Variants in SBF2 observed in about 807,000 individuals in gnomAD.
SBF2 encodes the protein SET binding factor 2.
Under a neutral mutation model 225.2 loss-of-function variants are expected in SBF2, and 112 were observed. The ratio of observed to expected loss-of-function variants is 0.50; its 90% CI spans 0.43 to 0.58. SBF2 has a LOEUF of 0.58. Among genes scored for constraint, SBF2 ranks in the 20% least tolerant of loss-of-function variants. SBF2 has a pLI of 0.00. For missense variants in SBF2, 1,996 were observed against 2,206.2 expected, an observed-to-expected ratio of 0.90 and a Z score of 1.91; for synonymous variants, 763 against 773.3, an observed-to-expected ratio of 0.99 and a Z score of 0.22.
chr11:10,109,990 C>G (rs1199067450), intron 2 of SBF2, among the ~76,000 whole-genome samples: 1 of 152,188 alleles, frequency 6.6e-6, no homozygotes, highest in Non-Finnish European at 1.5e-5. Flanking sequence ...AAATTCCACA[C>G]AAGATTCTGC....
chr11:9,899,941 C>A (rs1861586613), intron 16 of SBF2, among the ~76,000 whole-genome samples: 1 of 151,404 alleles, frequency 6.6e-6, no homozygotes, highest in Non-Finnish European at 1.5e-5. Flanking sequence ...TCTGCTAATA[C>A]TAGCTCTGTA....
At chr11:10,281,516 C>T (rs1963406484) in intron 1 of SBF2, among the ~76,000 whole-genome samples, 1 of 152,196 alleles carries the variant, frequency 6.6e-6, no homozygotes, top group African/African-American at 2.4e-5. Context: ...TTATTCAAAA[C>T]CATCAAGGAG....
At chr11:9,846,812 C>A in intron 23 of SBF2, 144 bp downstream of exon 23, 1 of 905,776 alleles carries the variant, frequency 1.1e-6, no homozygotes, top group Non-Finnish European at 1.8e-6. Context: ...GTTTACTCAG[C>A]TGATGACTAC....
At chr11:9,910,311 G>T (rs1051600116) in intron 16 of SBF2, among the ~76,000 whole-genome samples, 1 of 152,076 alleles carries the variant, frequency 6.6e-6, no homozygotes, top group Non-Finnish European at 1.5e-5. Context: ...GGCTGATGTT[G>T]GTGTAAACAA....
Position 9,802,899 on chromosome 11 carries a change from G to A in SBF2, c.4443+5101C>T, listed in dbSNP as rs538726347. ...GCTGATACCTCTGGTAGCCAAGCATGCTTTACTTACTGCAATTAAGGTCAT... is the reference window on the plus strand; with the variant it reads ...GCTGATACCTCTGGTAGCCAAGCATACTTTACTTACTGCAATTAAGGTCAT... On this transcript the variant is annotated intron_variant, in intron 32 of 39. Transcript: ENST00000256190. 1.1e-4 allele frequency among the ~76,000 whole-genome samples: 17 copies of A among 152,270 alleles called. No individual in the cohort carries two copies. The South Asian group carries it at 3.5e-3, about 32-fold the overall frequency.
chr11:10,074,710 G>A (rs936043722), intron 2 of SBF2, among the ~76,000 whole-genome samples: 8 of 152,138 alleles, frequency 5.3e-5, no homozygotes, highest in African/African-American at 1.9e-4. Flanking sequence ...AATTGAAAAT[G>A]TGTACATTAG....
intron 2 of SBF2, among the ~76,000 whole-genome samples, chr11:10,076,438 A>G (rs1019869303): frequency 5.3e-5 from 8 of 152,076 alleles, no homozygotes; most frequent in South Asian, 4.1e-4. Context: ...AGGAGCCCCT[A>G]TGGCCAGAAC....
At chr11:9,940,697 C>T (rs1212376953) in intron 16 of SBF2, among the ~76,000 whole-genome samples, 1 of 152,032 alleles carries the variant, frequency 6.6e-6, no homozygotes, top group Non-Finnish European at 1.5e-5. Context: ...GCCCAGGGGG[C>T]ACCAAGAAAA....
intron 17 of SBF2, among the ~76,000 whole-genome samples, chr11:9,878,030 C>T (rs531078864): frequency 4.6e-5 from 7 of 152,166 alleles, no homozygotes; most frequent in African/African-American, 7.2e-5. Context: ...AAAAGCATTC[C>T]TATTTCTCCA....
chr11:9,845,009 A>G (rs970801678), intron 24 of SBF2, among the ~76,000 whole-genome samples: 1 of 152,182 alleles, frequency 6.6e-6, no homozygotes, highest in Non-Finnish European at 1.5e-5. Context: ...GGGACATCTT[A>G]TATCTAACTC....
At chr11:10,163,491 A>T (rs1224161689) in intron 2 of SBF2, among the ~76,000 whole-genome samples, 1 of 152,162 alleles carries the variant, frequency 6.6e-6, no homozygotes, top group Non-Finnish European at 1.5e-5. Flanking sequence ...TAATGACAAT[A>T]AGAGTAGCAA....
chr11:10,209,051 C>T (rs1422947565), intron 1 of SBF2, among the ~76,000 whole-genome samples: 1 of 152,136 alleles, frequency 6.6e-6, no homozygotes, highest in African/African-American at 2.4e-5. Context: ...ACAAGAAATT[C>T]GTATCTGTTG....
At chr11:10,115,722 A>G in intron 2 of SBF2, among the ~76,000 whole-genome samples, 1 of 152,210 alleles carries the variant, frequency 6.6e-6, no homozygotes, top group Non-Finnish European at 1.5e-5. Flanking sequence ...TGAAAACACT[A>G]TATAACCTCA....
At chr11:10,258,423 T>A (rs1961095141) in intron 1 of SBF2, among the ~76,000 whole-genome samples, 2 of 152,144 alleles carry the variant, frequency 1.3e-5, no homozygotes, top group Admixed American at 1.3e-4. Flanking sequence ...GGTAAATAAG[T>A]AAAGATATTA....
chr11:10,165,606 T>C (rs1434105269), intron 2 of SBF2, among the ~76,000 whole-genome samples: 1 of 152,218 alleles, frequency 6.6e-6, no homozygotes, highest in African/African-American at 2.4e-5. Context: ...CATTGTACAC[T>C]GTACCAGCAC....
chr11:10,145,759 T>G (rs1954853970), intron 2 of SBF2, among the ~76,000 whole-genome samples: 1 of 152,162 alleles, frequency 6.6e-6, no homozygotes, highest in Admixed American at 6.5e-5. Context: ...ATACATTTTT[T>G]CAATATTTAT....
Position 10,123,455 on chromosome 11 carries a change from C to T in SBF2, c.141+70447G>A, listed in dbSNP as rs1441295305. On this transcript the variant is annotated intron_variant, in intron 2 of 39. Coordinates refer to ENST00000256190, the MANE Select transcript of SBF2 (RefSeq NM_030962.4). ...GTTATCTGGGTAGTTTTATAAATCC[C>T]GACAATAAAAAATCTACCAAGAGAA... Among the ~76,000 whole-genome samples, 9 of 151,740 alleles carry T rather than the reference C, an allele frequency of 5.9e-5. 1 individual carries two copies. The highest frequency in any genetic ancestry group is 2.0e-4 in the Admixed American group (3 of 15,254).
chr11:10,017,360 T>A (rs1948695979), intron 6 of SBF2, among the ~76,000 whole-genome samples: 1 of 152,216 alleles, frequency 6.6e-6, no homozygotes, highest in African/African-American at 2.4e-5. Flanking sequence ...TTTATTATAG[T>A]TCTTTCTGGC....
intron 28 of SBF2, among the ~76,000 whole-genome samples, chr11:9,824,298 CCTGTAATCCCAGCAATTTGGGAGG>C (rs1459147801): frequency 5.1e-4 from 78 of 152,216 alleles, no homozygotes; most frequent in African/African-American, 1.8e-3. Flanking sequence ...GTGGCTCACA[CCTGTAATCCCAGCAATTTGGGAGG>C]CTGAGGTGGG....
Sources: gnomAD v4.1 joint callset for allele counts (sites outside exome capture counted in the v4.1 genomes callset) on GRCh38, gnomAD v4.1.1 for gene constraint, MANE v1.5 for transcripts, NCBI Gene and HGNC (gene_info 2026-07-23, HGNC 2026-07-21) for gene names.